SNX14: variants seen among roughly 807,000 people sequenced by gnomAD.
The protein encoded by SNX14 is sorting nexin-14.
A neutral mutation model predicts 133.8 loss-of-function variants in SNX14; 93 were observed. The ratio of observed to expected loss-of-function variants is 0.70; its 90% confidence interval spans 0.59 to 0.83. The LOEUF is 0.83. SNX14 is among the 40% of genes least tolerant of loss of function. The pLI is 0.00. For synonymous variants in SNX14, 368 were observed against 365.6 expected (o/e 1.01, Z -0.07); for missense variants, 945 against 1,094.9 (o/e 0.86, Z 1.93).
At chr6:85,527,860 C>A (rs1394789600) in intron 20 of SNX14, among the ~76,000 whole-genome samples, 1 of 151,986 alleles carries the variant, frequency 6.6e-6, no homozygotes, top group African/African-American at 2.4e-5. Flanking sequence ...AGAGAAGACT[C>A]CAAAGTTCAG....
At chr6:85,506,561 C>A (rs1195029176) in intron 28 of SNX14, among the ~76,000 whole-genome samples, 1 of 152,180 alleles carries the variant, frequency 6.6e-6, no homozygotes, top group Non-Finnish European at 1.5e-5. Context: ...CGTGATCCCC[C>A]CGCCTTGGCC....
At chr6:85,537,976 T>C (rs1211703642) in intron 16 of SNX14, among the ~76,000 whole-genome samples, 1 of 152,186 alleles carries the variant, frequency 6.6e-6, no homozygotes, top group African/African-American at 2.4e-5. Flanking sequence ...GTAATACTGC[T>C]CTTACAACCG....
intron 26 of SNX14, among the ~76,000 whole-genome samples, chr6:85,510,453 T>A (rs1347280239): frequency 6.6e-6 from 1 of 152,248 alleles, no homozygotes; most frequent in Non-Finnish European, 1.5e-5. Context: ...TGGCCAATTT[T>A]AAAATCAGGT....
intron 1 of SNX14, among the ~76,000 whole-genome samples, chr6:85,591,247 C>T (rs531742984): frequency 6.6e-6 from 1 of 152,012 alleles, no homozygotes; most frequent in Non-Finnish European, 1.5e-5. Flanking sequence ...TACGTGAATA[C>T]ACACATAAGT....
rs372883833 is a variant in SNX14, at chr6:85,593,736, C to G, written c.-18G>C. The G allele has an allele frequency of 2.1e-4, 335 of 1,613,144 alleles. No homozygotes were observed. The African/African-American group carries it at 4.1e-3, about 20-fold the overall frequency. ...GGCACCATCTCCGTAACGGCGAGGC[C>G]GAGACTGCGCTACTGGCTGAGGCAG... On this transcript the variant is annotated 5_prime_UTR_variant, in exon 1 of 29. Transcript: ENST00000314673.
Position 85,530,288 on chromosome 6 carries a change from TAC to T in SNX14, c.1811-15_1811-14del, listed in dbSNP as rs1477314964. The T allele has an allele frequency of 1.5e-5, 23 of 1,496,134 alleles. No homozygotes were observed. The highest frequency in any genetic ancestry group is 2.3e-5 in the East Asian group (1 of 43,008). 92.7% of individuals were successfully genotyped at this position (1,496,134 alleles called of 1,614,324 possible). A position where few individuals can be genotyped will look rare whatever the true frequency, so the allele number is the denominator to read the frequency against. ...GGCTCGTGTCCAACTGTAAATTGAG[TAC>T]ACACACACTGAGTAACAAATAATTT... On this transcript the variant is annotated splice_polypyrimidine_tract_variant and intron_variant, in intron 18 of 28. Transcript: ENST00000314673.
At chr6:85,578,150 G>A (rs73483557) in intron 1 of SNX14, among the ~76,000 whole-genome samples, 2,433 of 152,174 alleles carry the variant, frequency 0.016, 73 homozygotes, top group African/African-American at 0.055. Context: ...GAAATAATGC[G>A]TAAATACTAT....
At chr6:85,563,268 C>T (rs1175327262) in intron 6 of SNX14, among the ~76,000 whole-genome samples, 1 of 152,048 alleles carries the variant, frequency 6.6e-6, no homozygotes. Context: ...ATTCTCAATA[C>T]GTTCAATATG....
rs759521783 is a variant in SNX14, at chr6:85,517,990, C to T, written c.2148+18G>A. 12 of 1,601,794 alleles carry T rather than the reference C, an allele frequency of 7.5e-6. No homozygotes were observed. Among genetic ancestry groups the T allele is most frequent in the South Asian group, 6.8e-5 (6 of 88,070 alleles). On this transcript the variant is annotated intron_variant, in intron 22 of 28. Coordinates refer to ENST00000314673, the MANE Select transcript of SNX14 (RefSeq NM_153816.6). ...TATGATTATCATGTTATAGAACACA[C>T]ATAAATCAGTTACTCACCTCTTTCA...
chr6:85,591,172 G>C (rs1205198886), intron 1 of SNX14, among the ~76,000 whole-genome samples: 1 of 151,874 alleles, frequency 6.6e-6, no homozygotes, highest in African/African-American at 2.4e-5. Flanking sequence ...CATCTCAGAA[G>C]GGCCCATGTT....
At chr6:85,545,974 C>T (rs139536629) in intron 12 of SNX14, among the ~76,000 whole-genome samples, 108 of 152,338 alleles carry the variant, frequency 7.1e-4, no homozygotes, top group African/African-American at 2.5e-3. Flanking sequence ...TGAGCCACTG[C>T]GCCTTGCCCA....
At chr6:85,519,889 C>CAAAACA (rs1776251956) in intron 21 of SNX14, among the ~76,000 whole-genome samples, 2 of 150,316 alleles carry the variant, frequency 1.3e-5, no homozygotes, top group African/African-American at 4.9e-5. Context: ...CAAAACAAAA[C>CAAAACA]AAAAAAAAAC....
chr6:85,566,692 C>A, intron 5 of SNX14, among the ~76,000 whole-genome samples: 1 of 149,210 alleles, frequency 6.7e-6, no homozygotes. Flanking sequence ...AGTAAGACTC[C>A]ATCTCAAAGA....
chr6:85,549,722 C>T lies in SNX14; in HGVS notation c.791+1G>A, dbSNP rs759186618. The T allele has an allele frequency of 6.2e-7, 1 of 1,609,986 alleles. No homozygotes were observed. The highest frequency in any genetic ancestry group is 1.1e-5 in the South Asian group (1 of 90,224). On this transcript the variant is annotated splice_donor_variant, in intron 8 of 28. Transcript: ENST00000314673. LOFTEE classifies it high-confidence loss of function. ...TATTATATTGTCTAGTCTTTTTATA[C>T]CTGCAGTCTGTTGCTTTAGGAGGCA...
Position 85,556,557 on chromosome 6 carries a change from G to A in SNX14, c.634+1419C>T, listed in dbSNP as rs139768495. Among the ~76,000 whole-genome samples the A allele has an allele frequency of 2.8e-3, 408 of 144,098 alleles. 3 individuals are homozygous for A. The highest frequency in any genetic ancestry group is 0.01 in the African/African-American group (385 of 38,400). 94.5% of individuals were successfully genotyped at this position (144,098 alleles called of 152,430 possible). The stretch of plus-strand genomic sequence containing the variant: ...ATGATTTCTGCCCACCACAACCTCC[G>A]CCTCCTGGGTTCAAGTCATTCTCCG... On this transcript the variant is annotated intron_variant, in intron 7 of 28. Coordinates refer to ENST00000314673, the MANE Select transcript of SNX14 (RefSeq NM_153816.6).
chr6:85,564,952 G>A (rs1181932941), intron 6 of SNX14, among the ~76,000 whole-genome samples: 1 of 150,482 alleles, frequency 6.6e-6, no homozygotes, highest in Non-Finnish European at 1.5e-5. Context: ...TCATGCCACT[G>A]TACTCCAGCC....
intron 9 of SNX14, 115 bp downstream of exon 9, chr6:85,548,186 C>T (rs1786388754): frequency 1.4e-6 from 1 of 723,240 alleles, no homozygotes; most frequent in Non-Finnish European, 2.3e-6. Context: ...GGGATGGTTG[C>T]ACAACAATAT....
rs767992461 is a variant in SNX14, at chr6:85,565,350, T to C, written c.531A>G (p.Leu177=). 1 of 1,598,600 alleles carries C rather than the reference T, an allele frequency of 6.3e-7. No homozygotes were observed. The highest frequency in any genetic ancestry group is 8.5e-7 in the Non-Finnish European group (1 of 1,171,086). ...TATATACCTTGTGAATCCTTCTTAT[T>C]AAGACAGATGCAAAAAAACGTAATG... ...RITLRFFASV[L]IRRIHKVDIP... Residue 177 remains leucine (L), a synonymous_variant, in exon 6 of 29, where the codon TTA becomes TTG. Transcript: ENST00000314673.
At chr6:85,546,969 A>G in intron 12 of SNX14, 143 bp downstream of exon 12, 1 of 468,682 alleles carries the variant, frequency 2.1e-6, no homozygotes, top group Non-Finnish European at 3.5e-6. Flanking sequence ...CTCAAACAAA[A>G]AAAAAAAAAA....
Sources: allele counts gnomAD v4.1 joint callset (sites outside exome capture counted in the v4.1 genomes callset), GRCh38; gene constraint gnomAD v4.1.1; transcripts MANE v1.5; gene names NCBI Gene and HGNC (gene_info 2026-07-23, HGNC 2026-07-21).